ARHGAP42: variants seen among roughly 807,000 people sequenced by gnomAD.
ARHGAP42 encodes Rho GTPase activating protein 42, also known as rho GTPase-activating protein 42.
In ARHGAP42, 63 loss-of-function variants were observed where a neutral mutation model predicts 125.0. The ratio of observed to expected loss-of-function variants is 0.50; its 90% CI spans 0.41 to 0.62. The LOEUF is 0.62. Among genes scored for constraint, ARHGAP42 ranks in the 20% least tolerant of loss-of-function variants. The pLI is 0.00. For missense variants in ARHGAP42, 766 were observed against 1,024.2 expected (o/e 0.75, Z 3.44); for synonymous variants, 339 against 351.0 (o/e 0.97, Z 0.38).
chr11:100,877,820 T>G (rs1361520083), intron 4 of ARHGAP42, among the ~76,000 whole-genome samples: 1 of 151,790 alleles, frequency 6.6e-6, no homozygotes, highest in Non-Finnish European at 1.5e-5. Flanking sequence ...ATCTGGCCAA[T>G]GCAGTGAAAC....
chr11:100,989,592 A>G lies in ARHGAP42; in HGVS notation c.*791A>G, dbSNP rs534012732. 1 of 153,254 alleles carries G rather than the reference A, an allele frequency of 6.5e-6. No individual in the cohort carries two copies. Among genetic ancestry groups the G allele is most frequent in the East Asian group, 1.9e-4 (1 of 5,214 alleles). The allele number at this position is 153,254 out of a possible 1,614,324, so 9.5% of individuals were successfully genotyped here. On this transcript the variant is annotated 3_prime_UTR_variant, in exon 24 of 24. Coordinates refer to ENST00000298815, the MANE Select transcript of ARHGAP42 (RefSeq NM_152432.4). ...CTATCTTCATAACTTTGAGATTTTT[A>G]TAAAATTTTACATGAAAATATACTG... is the stretch of plus-strand genomic sequence containing the variant.
At chr11:100,877,734 CG>C (rs1565255131) in intron 4 of ARHGAP42, among the ~76,000 whole-genome samples, 1 of 152,018 alleles carries the variant, frequency 6.6e-6, no homozygotes, top group African/African-American at 2.4e-5. Context: ...AGGGTGGGCG[CG>C]GTGGCTCACG....
chr11:100,935,677 C>CACACACACACACACACAG (rs143859109), intron 7 of ARHGAP42, among the ~76,000 whole-genome samples: 3 of 146,604 alleles, frequency 2.0e-5, no homozygotes, highest in African/African-American at 7.7e-5. Context: ...CACACACACA[C>CACACACACACACACACAG]AGAGAGAGAG....
chr11:100,837,666 C>CTATTATTTAT (rs1555008871), intron 3 of ARHGAP42, among the ~76,000 whole-genome samples: 2 of 61,042 alleles, frequency 3.3e-5, no homozygotes, highest in Non-Finnish European at 6.0e-5. Context: ...AGGTGTCATC[C>CTATTATTTAT]TTTTTTTTTT....
At chr11:100,962,599 G>T (rs147171133) in intron 16 of ARHGAP42, 132 bp downstream of exon 16, 2 of 800,376 alleles carry the variant, frequency 2.5e-6, no homozygotes, top group East Asian at 6.0e-5. Flanking sequence ...AATCTGGGCC[G>T]GGTGCGGTGG....
At chr11:100,777,012 A>G (rs1347646321) in intron 2 of ARHGAP42, among the ~76,000 whole-genome samples, 1 of 151,342 alleles carries the variant, frequency 6.6e-6, no homozygotes, top group Non-Finnish European at 1.5e-5. Context: ...CACGAAGAGC[A>G]TGTCGCATTT....
intron 22 of ARHGAP42, 49 bp from the exon 23 acceptor site, chr11:100,987,464 G>A (rs1482407526): frequency 2.1e-6 from 3 of 1,402,000 alleles, no homozygotes; most frequent in East Asian, 2.5e-5. Context: ...AAATATAGAT[G>A]TCCTTAGGTT....
Position 100,875,654 on chromosome 11 carries a change from T to C in ARHGAP42, c.384+16029T>C, listed in dbSNP as rs116534064. ...AACACGGTTGGTGGCCAGGCCCAGA[T>C]ACCCAGGCAGGCAACAGAGGTCAAC... On this transcript the variant is annotated intron_variant, in intron 4 of 23. Transcript: ENST00000298815. Among the ~76,000 whole-genome samples, 673 of 152,082 alleles carry C rather than the reference T, an allele frequency of 4.4e-3. 3 individuals are homozygous for C. Among genetic ancestry groups the C allele is most frequent in the African/African-American group, 0.015 (642 of 41,498 alleles).
chr11:100,933,082 T>A, intron 6 of ARHGAP42, 74 bp from the exon 7 acceptor site: 1 of 984,966 alleles, frequency 1.0e-6, no homozygotes, highest in Non-Finnish European at 1.5e-6. Flanking sequence ...AAATATAATT[T>A]TCTCCCTATT....
At chr11:100,916,250 C>A (rs1440320972) in intron 5 of ARHGAP42, among the ~76,000 whole-genome samples, 2 of 152,142 alleles carry the variant, frequency 1.3e-5, no homozygotes, top group Admixed American at 6.6e-5. Flanking sequence ...ATAAATAATT[C>A]TTTTCTAAGC....
chr11:100,856,848 A>AT (rs1340882544), intron 3 of ARHGAP42, among the ~76,000 whole-genome samples: 2 of 152,010 alleles, frequency 1.3e-5, no homozygotes, highest in Non-Finnish European at 2.9e-5. Context: ...TATGCTAGTG[A>AT]TTTTTTTCAA....
rs79317567 is a variant in ARHGAP42, at chr11:100,966,608, T to C, written c.1550+832T>C. Among the ~76,000 whole-genome samples the C allele has an allele frequency of 1.1e-4, 16 of 152,300 alleles. No homozygotes were observed. The East Asian group carries it at 3.1e-3, about 29-fold the overall frequency. Reference sequence around the variant, plus strand: ...TAAAGACTACTCATTTAAATGATGATGTCATCTGAACAAAATACCTTAATA... The same window carrying C: ...TAAAGACTACTCATTTAAATGATGACGTCATCTGAACAAAATACCTTAATA... On this transcript the variant is annotated intron_variant, in intron 17 of 23. Transcript: ENST00000298815.
At chr11:100,814,042 A>T (rs949172814) in intron 3 of ARHGAP42, among the ~76,000 whole-genome samples, 1 of 152,116 alleles carries the variant, frequency 6.6e-6, no homozygotes, top group African/African-American at 2.4e-5. Flanking sequence ...AATACAAAAA[A>T]ATTAGCTGGG....
At chr11:100,963,909 T>A (rs1269119911) in intron 16 of ARHGAP42, among the ~76,000 whole-genome samples, 1 of 152,186 alleles carries the variant, frequency 6.6e-6, no homozygotes. Context: ...GCTACTTGGC[T>A]AAAATGGCTC....
chr11:100,751,488 A>G (rs995757801), intron 1 of ARHGAP42, among the ~76,000 whole-genome samples: 2 of 148,404 alleles, frequency 1.3e-5, no homozygotes, highest in African/African-American at 5.0e-5. Context: ...GCAGTATTTT[A>G]TTTGCTGGGT....
chr11:100,778,190 G>A (rs1013527445), intron 2 of ARHGAP42, among the ~76,000 whole-genome samples: 13 of 151,162 alleles, frequency 8.6e-5, no homozygotes, highest in African/African-American at 3.2e-4. Context: ...AAAAAAAAAA[G>A]AAACGGTGAA....
chr11:100,871,887 G>A (rs1865705167), intron 4 of ARHGAP42, among the ~76,000 whole-genome samples: 1 of 152,210 alleles, frequency 6.6e-6, no homozygotes, highest in Non-Finnish European at 1.5e-5. Flanking sequence ...GGGATTACAG[G>A]CATGTGCCAT....
At chr11:100,870,471 T>C (rs1357432097) in intron 4 of ARHGAP42, among the ~76,000 whole-genome samples, 2 of 152,260 alleles carry the variant, frequency 1.3e-5, no homozygotes, top group Non-Finnish European at 2.9e-5. Flanking sequence ...ATTCTAAATG[T>C]ATTTCATGAT....
intron 3 of ARHGAP42, among the ~76,000 whole-genome samples, chr11:100,854,942 G>A (rs1035015633): frequency 5.3e-5 from 8 of 152,128 alleles, no homozygotes; most frequent in African/African-American, 9.7e-5. Flanking sequence ...ATTCTTTTAC[G>A]TCGAAGACGG....
Sources: gnomAD v4.1 joint callset for allele counts (sites outside exome capture counted in the v4.1 genomes callset) on GRCh38, gnomAD v4.1.1 for gene constraint, MANE v1.5 for transcripts, NCBI Gene and HGNC (gene_info 2026-07-23, HGNC 2026-07-21) for gene names.